The following TTC17 variants were observed in gnomAD, a reference collection of about 807,000 sequenced individuals.
The protein encoded by TTC17 is tetratricopeptide repeat protein 17.
In TTC17, 58 loss-of-function variants were observed where a neutral mutation model predicts 143.8. That is an observed-to-expected ratio of 0.40 (90% CI 0.33 to 0.50). The LOEUF is 0.50. TTC17 is among the 20% of genes least tolerant of loss of function. TTC17 has a pLI of 0.49. For missense variants in TTC17, 1,273 were observed against 1,392.5 expected (o/e 0.91, Z 1.37); for synonymous variants, 501 against 497.8 (o/e 1.01, Z -0.09).
chr11:43,493,086 A>G (rs1235228165), intron 23 of TTC17, among the ~76,000 whole-genome samples: 1 of 152,184 alleles, frequency 6.6e-6, no homozygotes, highest in African/African-American at 2.4e-5. Context: ...GCTCCCAGTA[A>G]ATGTGAAGTT....
chr11:43,454,768 A>C (rs999060052), intron 21 of TTC17, among the ~76,000 whole-genome samples: 1 of 152,094 alleles, frequency 6.6e-6, no homozygotes, highest in African/African-American at 2.4e-5. Context: ...AGTTTACAAT[A>C]AATTTGTAAT....
chr11:43,465,059 A>C lies in TTC17; in HGVS notation c.3030+13794A>C, dbSNP rs562553451. ...TGACTGTCTGGGGATTTCATTTGGA[A>C]AGTCTGGAGATTGGTGCCTTTTAAG... On this transcript the variant is annotated intron_variant, in intron 21 of 23. Transcript: ENST00000039989. Among the ~76,000 whole-genome samples the C allele has an allele frequency of 9.8e-5, 15 of 152,312 alleles. No individual in the cohort carries two copies. In the South Asian group the frequency reaches 3.1e-3, roughly 32 times the overall value.
intron 21 of TTC17, among the ~76,000 whole-genome samples, chr11:43,452,842 G>A (rs1453088182): frequency 1.3e-5 from 2 of 151,662 alleles, no homozygotes; most frequent in African/African-American, 4.8e-5. Flanking sequence ...AGGATCGCTT[G>A]AGCCCAGAAA....
chr11:43,485,291 G>T (rs1173093473), intron 21 of TTC17, among the ~76,000 whole-genome samples: 1 of 152,004 alleles, frequency 6.6e-6, no homozygotes, highest in Non-Finnish European at 1.5e-5. Context: ...GACTATTCAG[G>T]AACTGTACTG....
chr11:43,454,736 A>G (rs975822363), intron 21 of TTC17, among the ~76,000 whole-genome samples: 3 of 152,084 alleles, frequency 2.0e-5, no homozygotes, highest in Non-Finnish European at 2.9e-5. Flanking sequence ...AAAGAAATAT[A>G]CTTTAAAATG....
At chr11:43,490,879 A>T (rs999728920) in intron 22 of TTC17, 2 of 151,306 alleles carry the variant, frequency 1.3e-5, no homozygotes, top group African/African-American at 4.9e-5. Context: ...AAAAAAAAAA[A>T]AAACCGGCTA....
At chr11:43,410,757 T>A (rs1195778362) in intron 15 of TTC17, among the ~76,000 whole-genome samples, 1 of 152,192 alleles carries the variant, frequency 6.6e-6, no homozygotes, top group African/African-American at 2.4e-5. Flanking sequence ...CCAAATTTAT[T>A]CTTCCCAGTC....
chr11:43,493,827 G>T lies in TTC17; in HGVS notation c.3349G>T (p.Glu1117Ter). ...TGAATCCACATTGAAGCTTCAGCCC[G>T]AGTTTGTCCCAGCCAAGAACCGAAT... is the stretch of plus-strand genomic sequence containing the variant. Reference protein sequence around the residue: ...WYESTLKLQPEFVPAKNRIQT... With the variant: ...WYESTLKLQP The change falls in exon 24 of 24, where the codon GAG becomes TAG. Residue 1117 changes from glutamate to a stop codon, truncating the protein, a stop_gained. Transcript: ENST00000039989. LOFTEE classifies it high-confidence loss of function. 6.2e-7 allele frequency: 1 copy of T among 1,614,054 alleles called. No homozygotes were observed. The highest frequency in any genetic ancestry group is 8.5e-7 in the Non-Finnish European group (1 of 1,179,972).
At chr11:43,404,318 G>C (rs1590364819) in intron 11 of TTC17, among the ~76,000 whole-genome samples, 174 bp downstream of exon 11, 1 of 152,288 alleles carries the variant, frequency 6.6e-6, no homozygotes, top group Non-Finnish European at 1.5e-5. Flanking sequence ...GAATGAGTAA[G>C]ATGCAATTTC....
intron 3 of TTC17, among the ~76,000 whole-genome samples, chr11:43,390,128 G>A (rs1366820964): frequency 1.3e-5 from 2 of 151,970 alleles, no homozygotes; most frequent in Admixed American, 1.3e-4. Flanking sequence ...GCAATATAGC[G>A]AGACCCCATC....
At chr11:43,413,371 A>G (rs1946700567) in intron 15 of TTC17, among the ~76,000 whole-genome samples, 1 of 152,232 alleles carries the variant, frequency 6.6e-6, no homozygotes, top group Non-Finnish European at 1.5e-5. Flanking sequence ...TATGAAAGAT[A>G]AAACAATAAG....
chr11:43,401,182 A>G (rs567261895), intron 9 of TTC17, among the ~76,000 whole-genome samples: 5 of 152,232 alleles, frequency 3.3e-5, no homozygotes, highest in Non-Finnish European at 5.9e-5. Context: ...AGATTTTACA[A>G]TCACAGACTA....
chr11:43,389,636 A>G lies in TTC17; in HGVS notation c.250-16A>G. On this transcript the variant is annotated splice_polypyrimidine_tract_variant and intron_variant, in intron 2 of 23. Transcript: ENST00000039989. Reference sequence around the variant, plus strand: ...TATTAGAAGAATCCATTCTGTTCTTACTTTCTTCTCAACAGAAACAATTAG... The same window carrying G: ...TATTAGAAGAATCCATTCTGTTCTTGCTTTCTTCTCAACAGAAACAATTAG... 1 of 1,597,854 alleles carries G rather than the reference A, an allele frequency of 6.3e-7. No individual in the cohort carries two copies. The highest frequency in any genetic ancestry group is 8.5e-7 in the Non-Finnish European group (1 of 1,173,952).
intron 16 of TTC17, among the ~76,000 whole-genome samples, chr11:43,426,319 C>T (rs914894333): frequency 6.6e-6 from 1 of 152,244 alleles, no homozygotes. Context: ...GAGGTGAGTG[C>T]ACCAGGTGAC....
intron 13 of TTC17, 110 bp downstream of exon 13, chr11:43,406,061 T>C: frequency 7.9e-7 from 1 of 1,265,804 alleles, no homozygotes; most frequent in East Asian, 2.5e-5. Flanking sequence ...TTTAAGTGTA[T>C]AAAATGGAAG....
chr11:43,443,001 T>A (rs949740230), intron 16 of TTC17, among the ~76,000 whole-genome samples: 2 of 152,242 alleles, frequency 1.3e-5, no homozygotes, highest in African/African-American at 2.4e-5. Context: ...CCTTGCCATC[T>A]ATGTTTTGAA....
At chr11:43,365,311 C>T (rs1856289848) in intron 1 of TTC17, among the ~76,000 whole-genome samples, 1 of 152,038 alleles carries the variant, frequency 6.6e-6, no homozygotes, top group African/African-American at 2.4e-5. Context: ...CCATGTTGCT[C>T]AGGCTGGAAT....
intron 7 of TTC17, 30 bp from the exon 8 acceptor site, chr11:43,397,944 G>GTGTA: frequency 7.2e-7 from 1 of 1,394,824 alleles, no homozygotes; most frequent in South Asian, 1.2e-5. Flanking sequence ...GTGTGTGTGT[G>GTGTA]TGTGTGTATG....
chr11:43,407,739 A>G (rs1858212205), intron 15 of TTC17, among the ~76,000 whole-genome samples, 162 bp downstream of exon 15: 1 of 151,110 alleles, frequency 6.6e-6, no homozygotes, highest in African/African-American at 2.4e-5. Context: ...CTTTTGTTGT[A>G]TTTTGATGTG....
Sources: allele counts gnomAD v4.1 joint callset (sites outside exome capture counted in the v4.1 genomes callset), GRCh38; gene constraint gnomAD v4.1.1; transcripts MANE v1.5; gene names NCBI Gene and HGNC (gene_info 2026-07-23, HGNC 2026-07-21).